The following CFAP299 variants were observed in gnomAD, a reference collection of about 807,000 sequenced individuals.
CFAP299 encodes the protein cilia and flagella associated protein 299.
In CFAP299, 21 loss-of-function variants were observed where a neutral mutation model predicts 27.0. The observed-to-expected ratio is 0.78, with a 90% CI of 0.55 to 1.12. The LOEUF (loss-of-function observed/expected upper bound fraction) is 1.12. Among genes scored for constraint, CFAP299 ranks in the 50% most tolerant of loss-of-function variants. The pLI is 0.00. For synonymous variants in CFAP299, 104 were observed against 98.1 expected, an observed-to-expected ratio of 1.06 and a Z score of -0.36; for missense variants, 310 against 276.6, an observed-to-expected ratio of 1.12 and a Z score of -0.86.
Position 80,432,727 on chromosome 4 carries a change from T to A in CFAP299, c.242+69843T>A, listed in dbSNP as rs552555143. ...TTTTGTATTTTTAGTAGAGATGGGGTTTCTGTGTTAGCCAGGATGGTCTCG... is the reference window on the plus strand; with the variant it reads ...TTTTGTATTTTTAGTAGAGATGGGGATTCTGTGTTAGCCAGGATGGTCTCG... On this transcript the variant is annotated intron_variant, in intron 2 of 5. Coordinates refer to ENST00000358105, the MANE Select transcript of CFAP299 (RefSeq NM_152770.3). Among the ~76,000 whole-genome samples, 70 of 151,730 alleles carry A rather than the reference T, an allele frequency of 4.6e-4. 1 individual carries two copies. The highest frequency in any genetic ancestry group is 1.6e-3 in the African/African-American group (68 of 41,368).
intron 2 of CFAP299, among the ~76,000 whole-genome samples, chr4:80,561,581 G>GC (rs1735036349): frequency 6.6e-6 from 1 of 151,922 alleles, no homozygotes; most frequent in Non-Finnish European, 1.5e-5. Context: ...AGGAAATCAG[G>GC]CTTCTATCAG....
chr4:80,896,814 T>C (rs948928549), intron 4 of CFAP299, among the ~76,000 whole-genome samples: 3 of 152,146 alleles, frequency 2.0e-5, no homozygotes. Context: ...TTATCTGTTA[T>C]TCTAGAAGTG....
chr4:80,350,017 G>A (rs1722942858), intron 1 of CFAP299, among the ~76,000 whole-genome samples: 1 of 152,080 alleles, frequency 6.6e-6, no homozygotes, highest in South Asian at 2.1e-4. Flanking sequence ...AGTTTAGAAA[G>A]GAAGTTGAAA....
At chr4:80,419,391 G>A (rs188136952) in intron 2 of CFAP299, among the ~76,000 whole-genome samples, 5 of 152,238 alleles carry the variant, frequency 3.3e-5, no homozygotes, top group Admixed American at 3.3e-4. Context: ...TACTGGAATC[G>A]TCCTCATGCT....
At chr4:80,592,040 T>C (rs1456269072) in intron 3 of CFAP299, among the ~76,000 whole-genome samples, 7 of 152,220 alleles carry the variant, frequency 4.6e-5, no homozygotes, top group Non-Finnish European at 1.0e-4. Context: ...AAGAAAGCTA[T>C]TATTTCTTTT....
At chr4:80,390,855 ATATG>A (rs1365540227) in intron 2 of CFAP299, among the ~76,000 whole-genome samples, 1 of 138,090 alleles carries the variant, frequency 7.2e-6, no homozygotes, top group African/African-American at 2.6e-5. Flanking sequence ...ACATATATGT[ATATG>A]TATATGCGCA....
At chr4:80,799,916 T>G (rs1307106334) in intron 3 of CFAP299, among the ~76,000 whole-genome samples, 3 of 43,496 alleles carry the variant, frequency 6.9e-5, no homozygotes, top group Non-Finnish European at 1.1e-4. Flanking sequence ...ATATAATATA[T>G]AATATATATA....
chr4:80,945,924 C>T (rs1235264786), intron 5 of CFAP299, among the ~76,000 whole-genome samples: 4 of 151,716 alleles, frequency 2.6e-5, no homozygotes, highest in Admixed American at 1.3e-4. Flanking sequence ...GAGGCAGAGG[C>T]GGGCAGATCA....
At chr4:80,944,147 T>C (rs1192131949) in intron 4 of CFAP299, among the ~76,000 whole-genome samples, 1 of 152,134 alleles carries the variant, frequency 6.6e-6, no homozygotes, top group Admixed American at 6.5e-5. Context: ...AAGTGGCATA[T>C]GTATGCTTTG....
chr4:80,568,518 T>C (rs918929403), intron 2 of CFAP299, among the ~76,000 whole-genome samples: 2 of 152,140 alleles, frequency 1.3e-5, no homozygotes, highest in Non-Finnish European at 2.9e-5. Flanking sequence ...GAGATGACAG[T>C]CAAGCCTTTT....
chr4:80,329,686 T>C, the CFAP299 span, among the ~76,000 whole-genome samples: 3 of 152,110 alleles, frequency 2.0e-5, no homozygotes, highest in Admixed American at 1.3e-4. Context: ...GAAAGTCTAG[T>C]GATTTTTTTT....
chr4:80,957,698 T>C (rs915946035), intron 5 of CFAP299, among the ~76,000 whole-genome samples: 2 of 152,170 alleles, frequency 1.3e-5, no homozygotes, highest in Non-Finnish European at 1.5e-5. Context: ...AGTTGCAGAA[T>C]TGTAATATAG....
chr4:80,644,368 GGTTAATGA>G (rs2109962366), intron 3 of CFAP299, among the ~76,000 whole-genome samples: 1 of 152,030 alleles, frequency 6.6e-6, no homozygotes, highest in Admixed American at 6.6e-5. Flanking sequence ...TTTTCACTCA[GGTTAATGA>G]GTACACTTTT....
chr4:80,912,219 T>C (rs2110204273), intron 4 of CFAP299, among the ~76,000 whole-genome samples: 1 of 152,218 alleles, frequency 6.6e-6, no homozygotes, highest in South Asian at 2.1e-4. Context: ...AAATATAAGA[T>C]ATAGTGCCTC....
chr4:80,784,456 G>C (rs969635524), intron 3 of CFAP299, among the ~76,000 whole-genome samples: 23 of 152,098 alleles, frequency 1.5e-4, no homozygotes, highest in African/African-American at 4.3e-4. Flanking sequence ...GATATTGAAT[G>C]CCTTTTCACG....
At chr4:80,872,006 A>G (rs1157421474) in intron 4 of CFAP299, 2 of 145,630 alleles carry the variant, frequency 1.4e-5, no homozygotes, top group Admixed American at 1.4e-4. Flanking sequence ...TTTATCTTCT[A>G]CGCTATTGAT....
intron 4 of CFAP299, among the ~76,000 whole-genome samples, chr4:80,928,864 C>T (rs929911019): frequency 5.3e-5 from 8 of 152,034 alleles, no homozygotes; most frequent in Non-Finnish European, 1.2e-4. Flanking sequence ...ATTATTTTTT[C>T]ATACCTCATA....
intron 2 of CFAP299, among the ~76,000 whole-genome samples, chr4:80,512,491 T>G (rs1732359940): frequency 6.6e-6 from 1 of 152,106 alleles, no homozygotes; most frequent in Admixed American, 6.6e-5. Flanking sequence ...TGGATTCAAC[T>G]GAAGATGTGG....
At chr4:80,488,514 C>T (rs1375385854) in intron 2 of CFAP299, among the ~76,000 whole-genome samples, 1 of 147,644 alleles carries the variant, frequency 6.8e-6, no homozygotes, top group Admixed American at 6.7e-5. Context: ...CACTCTGTTG[C>T]CCAGGCTGGA....
Sources: allele counts gnomAD v4.1 joint callset (sites outside exome capture counted in the v4.1 genomes callset), GRCh38; gene constraint gnomAD v4.1.1; transcripts MANE v1.5; gene names NCBI Gene and HGNC (gene_info 2026-07-23, HGNC 2026-07-21).